G3BP2: variants seen among roughly 807,000 people sequenced by gnomAD.
G3BP2 encodes G3BP stress granule assembly factor 2, also known as ras GTPase-activating protein-binding protein 2.
Under a neutral mutation model 56.7 loss-of-function variants are expected in G3BP2, and 11 were observed. The observed-to-expected ratio is 0.19, with a 90% CI of 0.12 to 0.32. The LOEUF (loss-of-function observed/expected upper bound fraction) is 0.32, where lower values mean the gene tolerates loss of function less well. Ranked by LOEUF, G3BP2 falls within the 10% of genes least tolerant of loss-of-function variation. The pLI, the probability that G3BP2 is intolerant of heterozygous loss-of-function variation, is 1.00. For missense variants in G3BP2, 340 were observed against 610.9 expected (o/e 0.56, Z 4.67); for synonymous variants, 165 against 191.6 (o/e 0.86, Z 1.15).
chr4:75,673,096 A>G, intron 1 of G3BP2, 112 bp downstream of exon 1: 1 of 1,048,298 alleles, frequency 9.5e-7, no homozygotes. Flanking sequence ...CTGCCGCTAC[A>G]CCTCCGGCTC....
At chr4:75,663,157 A>AT (rs976413278) in intron 1 of G3BP2, among the ~76,000 whole-genome samples, 2 of 152,278 alleles carry the variant, frequency 1.3e-5, no homozygotes, top group African/African-American at 4.8e-5. Flanking sequence ...CAAGAAATAT[A>AT]AACAAGCAAA....
intron 3 of G3BP2, among the ~76,000 whole-genome samples, chr4:75,714,373 C>T (rs941614225): frequency 2.0e-5 from 3 of 152,176 alleles, no homozygotes; most frequent in African/African-American, 4.8e-5. Context: ...ACGCCTGTAA[C>T]CCCAGCACTT....
chr4:75,661,142 CTT>C (rs1269107464), intron 2 of G3BP2, among the ~76,000 whole-genome samples: 2 of 152,094 alleles, frequency 1.3e-5, no homozygotes, highest in South Asian at 4.1e-4. Flanking sequence ...AAGATATGGT[CTT>C]TTGAGACGAA....
intron 3 of G3BP2, among the ~76,000 whole-genome samples, chr4:75,704,685 T>C (rs1445537895): frequency 2.0e-5 from 3 of 151,952 alleles, no homozygotes; most frequent in Admixed American, 2.0e-4. Flanking sequence ...CAGGCTGGAG[T>C]GCAGTGGCGC....
intron 3 of G3BP2, among the ~76,000 whole-genome samples, chr4:75,682,555 G>A (rs13135214): frequency 0.23 from 35,071 of 152,004 alleles, 4,293 homozygotes; most frequent in Middle Eastern, 0.37. Context: ...TATTAATTTC[G>A]TTCAGCTCCC....
In G3BP2 at chr4:75,646,433, G is replaced by A; in HGVS notation, c.1081C>T (p.Arg361Cys). The A allele has an allele frequency of 6.2e-7, 1 of 1,609,648 alleles. No homozygotes were observed. The highest frequency in any genetic ancestry group is 8.5e-7 in the Non-Finnish European group (1 of 1,176,806). ...FMSFGNVVELRINTKGVGGKL... is the reference protein window; with the variant it reads ...FMSFGNVVELCINTKGVGGKL... Reference sequence around the variant, plus strand: ...CCCCCAACACCCTTGGTATTGATGCGAAGTTCCACAACGTTTCCAAAACCT... The same window carrying A: ...CCCCCAACACCCTTGGTATTGATGCAAAGTTCCACAACGTTTCCAAAACCT... Residue 361 changes from arginine (R) to cysteine (C), a missense_variant, in exon 11 of 12, where the codon CGC becomes TGC. Arg to Cys is a radical substitution (Grantham distance 180). Transcript: ENST00000359707.
At chr4:75,720,011 G>A (rs1029543741) in intron 3 of G3BP2, among the ~76,000 whole-genome samples, 1 of 62,470 alleles carries the variant, frequency 1.6e-5, no homozygotes, top group Non-Finnish European at 3.3e-5. Flanking sequence ...AGGATGGGGG[G>A]GCCCAGAACC....
intron 2 of G3BP2, among the ~76,000 whole-genome samples, chr4:75,660,384 T>C (rs1732451803): frequency 6.6e-6 from 1 of 152,158 alleles, no homozygotes; most frequent in Non-Finnish European, 1.5e-5. Context: ...ACACTTTATA[T>C]ATATACTACA....
chr4:75,687,105 A>AT (rs201469754), intron 3 of G3BP2, among the ~76,000 whole-genome samples: 16 of 147,792 alleles, frequency 1.1e-4, no homozygotes, highest in South Asian at 6.4e-4. Context: ...TAAAAGCAGT[A>AT]TTTTTTTTTT....
chr4:75,662,707 TAGC>T (rs2149004005), intron 1 of G3BP2, among the ~76,000 whole-genome samples: 1 of 152,302 alleles, frequency 6.6e-6, no homozygotes, highest in African/African-American at 2.4e-5. Context: ...TAAAGGGAAA[TAGC>T]ATCTTTGTTC....
At chr4:75,651,047 A>C (rs1731667653) in intron 8 of G3BP2, among the ~76,000 whole-genome samples, 1 of 152,204 alleles carries the variant, frequency 6.6e-6, no homozygotes, top group Non-Finnish European at 1.5e-5. Context: ...GACCACCGCT[A>C]TCTGTATTTG....
chr4:75,690,562 T>C (rs1161485444), intron 3 of G3BP2, among the ~76,000 whole-genome samples: 2 of 151,752 alleles, frequency 1.3e-5, no homozygotes, highest in Non-Finnish European at 2.9e-5. Flanking sequence ...GGTTGAAAGG[T>C]ATGGAGTTTC....
chr4:75,704,012 G>GTTT (rs11315970), intron 3 of G3BP2, among the ~76,000 whole-genome samples: 7 of 138,960 alleles, frequency 5.0e-5, no homozygotes, highest in Non-Finnish European at 3.1e-5. Flanking sequence ...TCTATGAAAG[G>GTTT]TTTTTTTTTT....
In G3BP2 at chr4:75,657,547, A is replaced by C. The variant is rs1185861873; in HGVS notation, c.351+10T>G. 1 of 1,591,458 alleles carries C rather than the reference A, an allele frequency of 6.3e-7. No homozygotes were observed. Among genetic ancestry groups the C allele is most frequent in the Admixed American group, 1.8e-5 (1 of 55,418 alleles). On this transcript the variant is annotated intron_variant, in intron 4 of 11. Coordinates refer to ENST00000359707, the MANE Select transcript of G3BP2 (RefSeq NM_203505.3). ...ATATAAATGAAAACTAAGTGAATTGAGAAACTTACTTCAGGAGCCAGAACA... is the reference window on the plus strand; with the variant it reads ...ATATAAATGAAAACTAAGTGAATTGCGAAACTTACTTCAGGAGCCAGAACA...
intron 3 of G3BP2, among the ~76,000 whole-genome samples, chr4:75,715,004 C>T (rs1377344371): frequency 6.6e-6 from 1 of 152,178 alleles, no homozygotes; most frequent in East Asian, 1.9e-4. Context: ...CCAATTGATA[C>T]AGCAAAATTA....
chr4:75,709,174 C>G (rs1274288062), intron 3 of G3BP2, among the ~76,000 whole-genome samples: 1 of 151,860 alleles, frequency 6.6e-6, no homozygotes, highest in Non-Finnish European at 1.5e-5. Context: ...GTAATCCCAG[C>G]ACTTTGGGAG....
At chr4:75,663,396 T>G (rs1356951285) in intron 1 of G3BP2, among the ~76,000 whole-genome samples, 1 of 152,052 alleles carries the variant, frequency 6.6e-6, no homozygotes, top group Non-Finnish European at 1.5e-5. Context: ...ATCTCCTGAG[T>G]GGCTGGGACT....
upstream of G3BP2, chr4:75,674,052 C>A (rs1733731890): frequency 6.6e-6 from 1 of 152,236 alleles, no homozygotes; most frequent in African/African-American, 2.4e-5. Flanking sequence ...AAGCATTTTA[C>A]ATACTAAAGC....
intron 3 of G3BP2, among the ~76,000 whole-genome samples, chr4:75,691,718 A>G (rs1461564269): frequency 6.6e-6 from 1 of 152,162 alleles, no homozygotes; most frequent in Admixed American, 6.5e-5. Context: ...GGAACTTTGA[A>G]AGCTACTGAT....
Sources: allele counts gnomAD v4.1 joint callset (sites outside exome capture counted in the v4.1 genomes callset), GRCh38; gene constraint gnomAD v4.1.1; transcripts MANE v1.5; gene names NCBI Gene and HGNC (gene_info 2026-07-23, HGNC 2026-07-21).